The following THBS4 variants were observed in gnomAD, a reference collection of about 807,000 sequenced individuals.
The protein encoded by THBS4 is thrombospondin 4, also known as thrombospondin-4.
In THBS4, 90 loss-of-function variants were observed where a neutral mutation model predicts 115.7. That is an observed-to-expected ratio of 0.78 (90% CI 0.66 to 0.93). THBS4 has a LOEUF of 0.93. Among genes scored for constraint, THBS4 ranks in the 40% least tolerant of loss-of-function variants. The pLI, the probability that THBS4 is intolerant of heterozygous loss-of-function variation, is 0.00. For missense variants in THBS4, 1,087 were observed against 1,232.7 expected (o/e 0.88, Z 1.77); for synonymous variants, 460 against 479.3 (o/e 0.96, Z 0.53).
intron 5 of THBS4, 82 bp downstream of exon 5, chr5:80,058,872 C>T: frequency 7.2e-7 from 1 of 1,397,168 alleles, no homozygotes; most frequent in Non-Finnish European, 9.8e-7. Context: ...GCAGGCCTGC[C>T]CAGGCACGGG....
intron 2 of THBS4, among the ~76,000 whole-genome samples, chr5:80,025,849 A>G (rs1183427716): frequency 6.6e-6 from 1 of 152,140 alleles, no homozygotes. Context: ...GATTTGTTAC[A>G]TCTATTTTCC....
chr5:80,082,965 G>GCTAACA, intron 21 of THBS4, 115 bp from the exon 22 acceptor site: 1 of 596,362 alleles, frequency 1.7e-6, no homozygotes, highest in Non-Finnish European at 2.5e-6. Context: ...GGGCCTGCGG[G>GCTAACA]GCGTCCTGGG....
At chr5:80,049,427 T>C (rs1833181509) in intron 2 of THBS4, among the ~76,000 whole-genome samples, 1 of 152,200 alleles carries the variant, frequency 6.6e-6, no homozygotes, top group Admixed American at 6.5e-5. Context: ...TTTTTTGTTA[T>C]TGTTGTTATC....
At chr5:80,043,901 A>G (rs1325717943) in intron 2 of THBS4, among the ~76,000 whole-genome samples, 1 of 152,182 alleles carries the variant, frequency 6.6e-6, no homozygotes, top group Non-Finnish European at 1.5e-5. Context: ...TCCACTCTGC[A>G]TGGCCCCAAG....
chr5:80,051,355 A>G (rs1236645945), intron 2 of THBS4, among the ~76,000 whole-genome samples: 1 of 152,228 alleles, frequency 6.6e-6, no homozygotes, highest in East Asian at 1.9e-4. Context: ...AGAGGCACTG[A>G]AGTAAAGAAT....
intron 2 of THBS4, among the ~76,000 whole-genome samples, chr5:79,999,449 T>C (rs1831855980): frequency 6.6e-6 from 1 of 152,200 alleles, no homozygotes; most frequent in Non-Finnish European, 1.5e-5. Context: ...ATGGTAGTAA[T>C]TGAAAAAGTT....
chr5:80,079,367 C>T (rs1019273052), intron 19 of THBS4, 109 bp downstream of exon 19: 1 of 1,207,088 alleles, frequency 8.3e-7, no homozygotes, highest in Non-Finnish European at 1.1e-6. Flanking sequence ...AAAATTGATG[C>T]ATTTATGCTA....
In THBS4 at chr5:80,040,232, G is replaced by A; in HGVS notation, c.244G>A (p.Asp82Asn). 4 of 1,614,044 alleles carry A rather than the reference G, an allele frequency of 2.5e-6. No homozygotes were observed. The highest frequency in any genetic ancestry group is 1.1e-5 in the South Asian group (1 of 91,076). The change falls in exon 2 of 22, where the codon GAC becomes AAC. Residue 82 changes from aspartate to asparagine, a missense_variant. Asp to Asn is a conservative substitution (Grantham distance 23). Transcript: ENST00000350881. ...ATIFGLYSST[D>N]NSKYFEFTVM... ...CATCTTCGGTCTTTACTCTTCAACT[G>A]ACAACAGTAAATATTTTGAATTTAC...
intron 10 of THBS4, chr5:80,068,365 T>C (rs1224048543): frequency 9.5e-6 from 4 of 420,180 alleles, no homozygotes; most frequent in Non-Finnish European, 1.7e-5. Flanking sequence ...TCCACTTGGG[T>C]ACCTGGATGC....
rs67048630 is a variant in THBS4 at position 80,080,579 on chromosome 5, C to CTTTTTTTTT, written c.2684+519_2684+527dup. ...AACTGCATGAGAGCAGCGCTTGTAT[C>CTTTTTTTTT]TTTTTTTTTTTTTTTTTTTTTTTTT... On this transcript the variant is annotated intron_variant, in intron 20 of 21. Coordinates refer to ENST00000350881, the MANE Select transcript of THBS4 (RefSeq NM_003248.6). Among the ~76,000 whole-genome samples, 27 of 50,496 alleles carry CTTTTTTTTT rather than the reference C, an allele frequency of 5.3e-4. 2 individuals carry two copies. The highest frequency in any genetic ancestry group is 1.4e-3 in the African/African-American group (18 of 12,706). 33.1% of individuals were successfully genotyped at this position (50,496 alleles called of 152,430 possible).
chr5:80,072,196 C>T, intron 13 of THBS4, 82 bp from the exon 14 acceptor site: 1 of 1,291,580 alleles, frequency 7.7e-7, no homozygotes, highest in Admixed American at 1.7e-5. Flanking sequence ...GCAGAAGTGA[C>T]TCACCATGCG....
intron 2 of THBS4, among the ~76,000 whole-genome samples, chr5:80,023,159 C>T (rs12234104): frequency 0.13 from 19,168 of 152,182 alleles, 1,515 homozygotes; most frequent in South Asian, 0.25. Flanking sequence ...TAATTATTCC[C>T]GAGTGTCCAT....
intron 3 of THBS4, among the ~76,000 whole-genome samples, chr5:80,056,294 T>A (rs1833431539): frequency 6.6e-6 from 1 of 152,224 alleles, no homozygotes; most frequent in African/African-American, 2.4e-5. Flanking sequence ...TCTAATGTGA[T>A]GCCGAAATTG....
At chr5:80,003,702 G>C (rs1157681355) in intron 2 of THBS4, among the ~76,000 whole-genome samples, 2 of 152,248 alleles carry the variant, frequency 1.3e-5, no homozygotes, top group South Asian at 2.1e-4. Context: ...ACTCCCCTTT[G>C]GGGACAGAAG....
At chr5:79,993,349 A>G (rs1024410112) in intron 1 of THBS4, among the ~76,000 whole-genome samples, 1 of 152,256 alleles carries the variant, frequency 6.6e-6, no homozygotes, top group Non-Finnish European at 1.5e-5. Flanking sequence ...AAACTCTAAC[A>G]TAGCTGATTG....
intron 8 of THBS4, among the ~76,000 whole-genome samples, chr5:80,062,487 G>T (rs1039968122): frequency 6.6e-6 from 1 of 152,134 alleles, no homozygotes; most frequent in Admixed American, 6.5e-5. Flanking sequence ...AAGGGCAGGG[G>T]TTTATTATTT....
intron 2 of THBS4, among the ~76,000 whole-genome samples, chr5:80,055,561 A>G (rs564494651): frequency 6.8e-6 from 1 of 146,298 alleles, no homozygotes; most frequent in East Asian, 2.0e-4. Flanking sequence ...AACACAAAAC[A>G]TTCTCAGGAG....
chr5:79,992,140 A>C (rs148790994), intron 1 of THBS4, among the ~76,000 whole-genome samples: 1 of 152,340 alleles, frequency 6.6e-6, no homozygotes, highest in East Asian at 1.9e-4. Context: ...CCTAATGAGC[A>C]CAGACTAAAT....
intron 3 of THBS4, among the ~76,000 whole-genome samples, chr5:80,057,695 A>C (rs1481122932): frequency 6.6e-6 from 1 of 152,238 alleles, no homozygotes; most frequent in Non-Finnish European, 1.5e-5. Context: ...TTTGACTAAC[A>C]ATGAATAATA....
Sources: allele counts gnomAD v4.1 joint callset (sites outside exome capture counted in the v4.1 genomes callset), GRCh38; gene constraint gnomAD v4.1.1; transcripts MANE v1.5; gene names NCBI Gene and HGNC (gene_info 2026-07-23, HGNC 2026-07-21).